Variants in GPC5 observed in about 807,000 individuals in gnomAD.
GPC5 encodes glypican 5.
Under a neutral mutation model 53.9 loss-of-function variants are expected in GPC5, and 47 were observed. That is an observed-to-expected ratio of 0.87 (90% confidence interval 0.69 to 1.11). The LOEUF (loss-of-function observed/expected upper bound fraction) is 1.11. Ranked by LOEUF, GPC5 falls within the 50% of genes most tolerant of loss-of-function variation. The pLI is 0.00. For missense variants in GPC5, 748 were observed against 713.1 expected (o/e 1.05, Z -0.56); for synonymous variants, 286 against 263.3 (o/e 1.09, Z -0.84).
chr13:91,948,257 TAATA>T (rs575685055), intron 6 of GPC5, among the ~76,000 whole-genome samples: 3 of 149,692 alleles, frequency 2.0e-5, no homozygotes, highest in African/African-American at 2.4e-5. Context: ...ATAATAATAA[TAATA>T]AATAAATAAA....
At chr13:92,088,691 C>A (rs932937495) in intron 6 of GPC5, among the ~76,000 whole-genome samples, 1 of 152,106 alleles carries the variant, frequency 6.6e-6, no homozygotes, top group African/African-American at 2.4e-5. Flanking sequence ...CAGGGAGGAC[C>A]TGGGTATTGC....
intron 7 of GPC5, among the ~76,000 whole-genome samples, chr13:92,189,224 G>C (rs2042205333): frequency 6.6e-6 from 1 of 152,144 alleles, no homozygotes; most frequent in African/African-American, 2.4e-5. Context: ...AGAACTTTCT[G>C]TTCCTCTTAA....
intron 7 of GPC5, among the ~76,000 whole-genome samples, chr13:92,172,974 A>G (rs1331594034): frequency 6.6e-6 from 1 of 151,222 alleles, no homozygotes; most frequent in Non-Finnish European, 1.5e-5. Flanking sequence ...TTAACAATAT[A>G]AGAAACGTTG....
chr13:92,636,708 G>C (rs1885415331), intron 7 of GPC5, among the ~76,000 whole-genome samples: 1 of 152,118 alleles, frequency 6.6e-6, no homozygotes, highest in Non-Finnish European at 1.5e-5. Flanking sequence ...GGAAGGTACT[G>C]CATCTTATTT....
At chr13:92,787,728 G>A (rs905481448) in intron 7 of GPC5, among the ~76,000 whole-genome samples, 1 of 147,826 alleles carries the variant, frequency 6.8e-6, no homozygotes, top group Admixed American at 6.8e-5. Flanking sequence ...AAAATTGACT[G>A]GTCATGGGCA....
chr13:91,808,454 T>C (rs2038257393), intron 5 of GPC5, among the ~76,000 whole-genome samples: 1 of 152,122 alleles, frequency 6.6e-6, no homozygotes, highest in African/African-American at 2.4e-5. Context: ...TCTAATTAGT[T>C]ATTTTACAAT....
intron 7 of GPC5, among the ~76,000 whole-genome samples, chr13:92,792,310 T>C (rs556785788): frequency 6.6e-6 from 1 of 152,206 alleles, no homozygotes; most frequent in Non-Finnish European, 1.5e-5. Flanking sequence ...CAAATCAAGC[T>C]TCATAAGTGA....
At chr13:91,542,551 C>T (rs915045601) in intron 2 of GPC5, among the ~76,000 whole-genome samples, 5 of 152,162 alleles carry the variant, frequency 3.3e-5, no homozygotes, top group Admixed American at 6.5e-5. Context: ...GTGTAGGACA[C>T]GAGCGCAGTT....
rs547292117 is a variant in GPC5, at chr13:91,780,770, C to T, written c.1280+24350C>T. On this transcript the variant is annotated intron_variant, in intron 5 of 7. Transcript: ENST00000377067. Reference sequence around the variant, plus strand: ...TATAATTTCACTGTTTAATTTTATCCTCCAAATGTATTATGTTTATAATTC... The same window carrying T: ...TATAATTTCACTGTTTAATTTTATCTTCCAAATGTATTATGTTTATAATTC... 7.9e-5 allele frequency among the ~76,000 whole-genome samples: 12 copies of T among 152,190 alleles called. 1 individual carries two copies. The highest frequency in any genetic ancestry group is 2.6e-4 in the African/African-American group (11 of 41,524).
intron 6 of GPC5, among the ~76,000 whole-genome samples, chr13:91,961,523 C>A (rs1246055811): frequency 6.6e-6 from 1 of 151,786 alleles, no homozygotes; most frequent in South Asian, 2.1e-4. Context: ...ATGTGGAATT[C>A]TGTTAGAATT....
intron 2 of GPC5, among the ~76,000 whole-genome samples, chr13:91,572,213 G>GTGTATATACACATATGTATATATACGTA (rs1566517638): frequency 2.4e-4 from 20 of 84,534 alleles, no homozygotes; most frequent in Admixed American, 1.1e-3. Context: ...ATATATACGT[G>GTGTATATACACATATGTATATATACGTA]TATATATATA....
At chr13:92,086,915 T>A (rs2041340532) in intron 6 of GPC5, among the ~76,000 whole-genome samples, 1 of 152,176 alleles carries the variant, frequency 6.6e-6, no homozygotes, top group Non-Finnish European at 1.5e-5. Flanking sequence ...CACCTTGGCC[T>A]CCCAAAGTGC....
chr13:92,592,639 G>A (rs1002901991), intron 7 of GPC5, among the ~76,000 whole-genome samples: 4 of 151,344 alleles, frequency 2.6e-5, no homozygotes, highest in African/African-American at 7.3e-5. Flanking sequence ...TGAAAACAAG[G>A]TAGATTTGCT....
intron 5 of GPC5, among the ~76,000 whole-genome samples, chr13:91,800,376 C>T (rs1227989462): frequency 1.3e-5 from 2 of 151,850 alleles, no homozygotes; most frequent in Non-Finnish European, 2.9e-5. Flanking sequence ...TGTGTCTTTC[C>T]ACATAAAGAA....
intron 7 of GPC5, among the ~76,000 whole-genome samples, chr13:92,244,845 C>T (rs1435706289): frequency 6.6e-6 from 1 of 151,998 alleles, no homozygotes; most frequent in Non-Finnish European, 1.5e-5. Flanking sequence ...CAAGACCATC[C>T]TGGCCAACAT....
At chr13:91,547,625 A>C (rs1477522509) in intron 2 of GPC5, among the ~76,000 whole-genome samples, 1 of 152,118 alleles carries the variant, frequency 6.6e-6, no homozygotes, top group East Asian at 1.9e-4. Context: ...AAGAGGAAAT[A>C]CTTCTTCATT....
intron 2 of GPC5, among the ~76,000 whole-genome samples, chr13:91,663,310 A>G (rs1018054546): frequency 2.0e-5 from 3 of 152,230 alleles, no homozygotes; most frequent in Non-Finnish European, 2.9e-5. Context: ...CAAGCATTAC[A>G]TGACATTTAT....
chr13:91,759,924 A>G (rs994591040), intron 5 of GPC5, among the ~76,000 whole-genome samples: 1 of 152,104 alleles, frequency 6.6e-6, no homozygotes, highest in African/African-American at 2.4e-5. Context: ...AGATATTAAT[A>G]TTGGTTCTGC....
intron 4 of GPC5, among the ~76,000 whole-genome samples, chr13:91,734,068 T>TAAAA: frequency 1.2e-4 from 18 of 146,350 alleles, no homozygotes; most frequent in African/African-American, 4.2e-4. Context: ...AGGCCTTTTC[T>TAAAA]GCATCTGTTG....
Sources: allele counts gnomAD v4.1 joint callset (sites outside exome capture counted in the v4.1 genomes callset), GRCh38; gene constraint gnomAD v4.1.1; transcripts MANE v1.5; gene names NCBI Gene and HGNC (gene_info 2026-07-23, HGNC 2026-07-21).